The following CAMK1D variants were observed in gnomAD, a reference collection of about 807,000 sequenced individuals.
The protein encoded by CAMK1D is calcium/calmodulin-dependent protein kinase type 1D.
A neutral mutation model predicts 47.7 loss-of-function variants in CAMK1D; 9 were observed. That is an observed-to-expected ratio of 0.19 (90% confidence interval 0.11 to 0.33). CAMK1D has a LOEUF of 0.33. CAMK1D is among the 10% of genes least tolerant of loss of function. The pLI, the probability that CAMK1D is intolerant of heterozygous loss-of-function variation, is 1.00. For synonymous variants in CAMK1D, 184 were observed against 184.9 expected (o/e 0.99, Z 0.04); for missense variants, 291 against 488.7 (o/e 0.60, Z 3.81).
intron 2 of CAMK1D, among the ~76,000 whole-genome samples, chr10:12,617,073 T>A (rs931947708): frequency 2.0e-5 from 3 of 152,162 alleles, no homozygotes; most frequent in Non-Finnish European, 4.4e-5. Context: ...GACCATGAAC[T>A]TCTCGTAAGC....
At chr10:12,805,930 A>G (rs1453690606) in intron 6 of CAMK1D, among the ~76,000 whole-genome samples, 1 of 152,232 alleles carries the variant, frequency 6.6e-6, no homozygotes, top group Non-Finnish European at 1.5e-5. Context: ...AATGGGACAT[A>G]GACAGAAACC....
intron 1 of CAMK1D, among the ~76,000 whole-genome samples, chr10:12,467,628 T>C (rs932246857): frequency 6.6e-6 from 1 of 152,244 alleles, no homozygotes; most frequent in African/African-American, 2.4e-5. Flanking sequence ...CTACCTAGAA[T>C]AGATGACTTT....
intron 1 of CAMK1D, among the ~76,000 whole-genome samples, chr10:12,382,767 G>A (rs531130734): frequency 1.3e-5 from 2 of 152,314 alleles, no homozygotes; most frequent in African/African-American, 4.8e-5. Context: ...GGAGGTTGCA[G>A]TGAGCTGAGA....
chr10:12,492,642 G>A (rs771342603), intron 1 of CAMK1D, among the ~76,000 whole-genome samples: 1 of 152,148 alleles, frequency 6.6e-6, no homozygotes, highest in South Asian at 2.1e-4. Flanking sequence ...GAAATAAAAT[G>A]AAACTGTAGT....
chr10:12,478,075 G>C (rs1261394665), intron 1 of CAMK1D, among the ~76,000 whole-genome samples: 1 of 142,552 alleles, frequency 7.0e-6, no homozygotes, highest in Non-Finnish European at 1.5e-5. Flanking sequence ...GTGTGATCTT[G>C]ACTCACTGCA....
chr10:12,779,075 C>G (rs1207022720), intron 5 of CAMK1D, among the ~76,000 whole-genome samples: 1 of 152,072 alleles, frequency 6.6e-6, no homozygotes, highest in Non-Finnish European at 1.5e-5. Flanking sequence ...CTCACTGAGC[C>G]TCGAGAGAGG....
intron 2 of CAMK1D, among the ~76,000 whole-genome samples, chr10:12,578,431 G>A (rs112659624): frequency 4.0e-5 from 6 of 151,898 alleles, no homozygotes; most frequent in Middle Eastern, 6.8e-3. Flanking sequence ...TTAGTTGGGC[G>A]TGGTGGTGCA....
chr10:12,609,897 A>G (rs551799250), intron 2 of CAMK1D, among the ~76,000 whole-genome samples: 1 of 152,146 alleles, frequency 6.6e-6, no homozygotes, highest in South Asian at 2.1e-4. Context: ...GCTCTCAAAC[A>G]TCCTGGAGAG....
At chr10:12,695,193 C>T (rs977382238) in intron 3 of CAMK1D, among the ~76,000 whole-genome samples, 1 of 152,230 alleles carries the variant, frequency 6.6e-6, no homozygotes. Flanking sequence ...GGACATGATA[C>T]ATTAACAAGA....
At chr10:12,693,959 T>TATAC (rs1291606216) in intron 3 of CAMK1D, among the ~76,000 whole-genome samples, 2 of 36,530 alleles carry the variant, frequency 5.5e-5, no homozygotes, top group African/African-American at 9.5e-5. Flanking sequence ...ATATATATTA[T>TATAC]ATATAAAATA....
At chr10:12,698,395 C>T (rs1027721114) in intron 3 of CAMK1D, among the ~76,000 whole-genome samples, 1 of 152,100 alleles carries the variant, frequency 6.6e-6, no homozygotes, top group Non-Finnish European at 1.5e-5. Flanking sequence ...TTATATATGT[C>T]AATACATAAC....
intron 2 of CAMK1D, among the ~76,000 whole-genome samples, chr10:12,596,735 C>T (rs1426585056): frequency 6.6e-6 from 1 of 152,094 alleles, no homozygotes; most frequent in East Asian, 1.9e-4. Context: ...AGAATTTAAA[C>T]TGGTAGGTTC....
Position 12,426,220 on chromosome 10 carries a change from T to A in CAMK1D, c.92+76310T>A, listed in dbSNP as rs77736546. ...GCTCAAGACTTGCCTGTTTAGGCTG[T>A]TGTATTTTTGCTGTGAAGGGATATT... On this transcript the variant is annotated intron_variant, in intron 1 of 10. Coordinates refer to ENST00000619168, the MANE Select transcript of CAMK1D (RefSeq NM_153498.4). Among the ~76,000 whole-genome samples the A allele has an allele frequency of 1.7e-3, 259 of 152,266 alleles. 2 individuals are homozygous for A. The highest frequency in any genetic ancestry group is 5.7e-3 in the African/African-American group (236 of 41,574).
At chr10:12,540,457 T>C (rs1342115498) in intron 1 of CAMK1D, among the ~76,000 whole-genome samples, 2 of 151,986 alleles carry the variant, frequency 1.3e-5, no homozygotes, top group African/African-American at 2.4e-5. Context: ...TAGGCACTCA[T>C]GTGGAATTTA....
Position 12,771,305 on chromosome 10 carries a change from A to G in CAMK1D, c.565+1506A>G, listed in dbSNP as rs112528618. Among the ~76,000 whole-genome samples, 1,516 of 152,268 alleles carry G rather than the reference A, an allele frequency of 1.0e-2. 12 individuals are homozygous for G. Among genetic ancestry groups the G allele is most frequent in the Non-Finnish European group, 0.015 (1,028 of 68,012 alleles). ...AGCCATTGAGCCCACCTGAGAGAGG[A>G]GGTATGTTATGTGACCAGCATCACC... On this transcript the variant is annotated intron_variant, in intron 5 of 10. Transcript: ENST00000619168.
intron 1 of CAMK1D, among the ~76,000 whole-genome samples, chr10:12,378,932 C>A (rs1838264239): frequency 6.6e-6 from 1 of 151,928 alleles, no homozygotes; most frequent in Non-Finnish European, 1.5e-5. Flanking sequence ...GTCTCAGCCT[C>A]CCAGGTAGCT....
intron 6 of CAMK1D, among the ~76,000 whole-genome samples, chr10:12,796,909 T>G (rs1260952214): frequency 6.6e-6 from 1 of 152,228 alleles, no homozygotes; most frequent in African/African-American, 2.4e-5. Flanking sequence ...AAAAAAAGAC[T>G]GGACTGTCCA....
At chr10:12,799,742 A>G (rs931494617) in intron 6 of CAMK1D, among the ~76,000 whole-genome samples, 1 of 152,056 alleles carries the variant, frequency 6.6e-6, no homozygotes, top group African/African-American at 2.4e-5. Context: ...GCCCTTTAGG[A>G]GGAGGCTTGG....
chr10:12,352,130 A>G (rs951802387), intron 1 of CAMK1D, among the ~76,000 whole-genome samples: 13 of 152,222 alleles, frequency 8.5e-5, no homozygotes, highest in Admixed American at 5.9e-4. Context: ...AGCAGAGATA[A>G]TTATGTGAGC....
Sources: gnomAD v4.1 joint callset for allele counts (sites outside exome capture counted in the v4.1 genomes callset) on GRCh38, gnomAD v4.1.1 for gene constraint, MANE v1.5 for transcripts, NCBI Gene and HGNC (gene_info 2026-07-23, HGNC 2026-07-21) for gene names.